The following HTR2C variants were observed in gnomAD, a reference collection of about 807,000 sequenced individuals.
HTR2C encodes the protein 5-hydroxytryptamine receptor 2C.
Under a neutral mutation model 21.0 loss-of-function variants are expected in HTR2C, and 5 were observed. The observed-to-expected ratio is 0.24, with a 90% confidence interval of 0.12 to 0.50. HTR2C has a LOEUF of 0.50. Among genes scored for constraint, HTR2C ranks in the 20% least tolerant of loss-of-function variants. HTR2C has a pLI of 0.98. For synonymous variants in HTR2C, 150 were observed against 145.3 expected (o/e 1.03, Z -0.23); for missense variants, 271 against 371.2 (o/e 0.73, Z 2.22).
intron 1 of HTR2C, among the ~76,000 whole-genome samples, chrX:114,590,669 C>T (rs1927590694): frequency 8.9e-6 from 1 of 111,796 alleles, no homozygotes; most frequent in Non-Finnish European, 1.9e-5. Context: ...TAACAGTTTC[C>T]CCTGAAATGA....
chrX:114,845,706 T>G (rs1211661175), intron 4 of HTR2C, among the ~76,000 whole-genome samples: 3 of 109,732 alleles, frequency 2.7e-5, no homozygotes, highest in Non-Finnish European at 5.7e-5. Flanking sequence ...TTACAGAAAT[T>G]AAAAGGATTG....
intron 2 of HTR2C, among the ~76,000 whole-genome samples, chrX:114,677,412 C>A (rs944478458): frequency 1.8e-5 from 2 of 110,754 alleles, no homozygotes; most frequent in Non-Finnish European, 3.8e-5. Flanking sequence ...AAAACTATGT[C>A]TCAATGAAAT....
intron 2 of HTR2C, among the ~76,000 whole-genome samples, chrX:114,684,180 A>AT (rs1418366179): frequency 8.9e-6 from 1 of 111,780 alleles, no homozygotes; most frequent in Non-Finnish European, 1.9e-5. Flanking sequence ...GTATTTTTAT[A>AT]TTTTTTCATC....
chrX:114,840,584 G>A (rs1381405051), intron 4 of HTR2C, among the ~76,000 whole-genome samples: 1 of 110,696 alleles, frequency 9.0e-6, no homozygotes, highest in Non-Finnish European at 1.9e-5. Flanking sequence ...AGAATGAGAG[G>A]GAAAATGGGA....
At chrX:114,778,140 A>G (rs1556439253) in intron 4 of HTR2C, among the ~76,000 whole-genome samples, 1 of 111,674 alleles carries the variant, frequency 9.0e-6, no homozygotes. Context: ...ATCTGTCAAT[A>G]AACATAAAAT....
chrX:114,723,690 C>A (rs782014592), intron 2 of HTR2C, among the ~76,000 whole-genome samples: 10 of 110,516 alleles, frequency 9.0e-5, no homozygotes, highest in Non-Finnish European at 1.5e-4. Context: ...GCTTTGAATG[C>A]GTCCCAGAGA....
chrX:114,845,302 A>T (rs2070865407), intron 4 of HTR2C, among the ~76,000 whole-genome samples: 1 of 111,430 alleles, frequency 9.0e-6, no homozygotes, highest in African/African-American at 3.2e-5. Context: ...AATGAAATTC[A>T]AAAATATTTT....
chrX:114,819,045 A>G (rs373669545), intron 4 of HTR2C, among the ~76,000 whole-genome samples: 3 of 111,853 alleles, frequency 2.7e-5, no homozygotes. Context: ...TCCTCACTAT[A>G]TTATAAAACC....
At chrX:114,632,682 G>A (rs1929679325) in intron 2 of HTR2C, among the ~76,000 whole-genome samples, 1 of 110,764 alleles carries the variant, frequency 9.0e-6, no homozygotes, top group Non-Finnish European at 1.9e-5. Flanking sequence ...AAAGGAATGT[G>A]AACATCAAGT....
intron 5 of HTR2C, among the ~76,000 whole-genome samples, chrX:114,887,550 A>G (rs1556481916): frequency 9.0e-6 from 1 of 111,151 alleles, no homozygotes; most frequent in African/African-American, 3.3e-5. Flanking sequence ...TTCATTTAGT[A>G]TTTTTTGGAA....
In HTR2C at chrX:114,781,896, T is replaced by C. The variant is rs146544743; in HGVS notation, c.349+50289T>C. Reference sequence around the variant, plus strand: ...AATAGGAACAGAGAAAGAGATTGGGTTAGAGGCAGTATTTGGAAACAATAT... The same window carrying C: ...AATAGGAACAGAGAAAGAGATTGGGCTAGAGGCAGTATTTGGAAACAATAT... On this transcript the variant is annotated intron_variant, in intron 4 of 5. Transcript: ENST00000276198. Among the ~76,000 whole-genome samples the C allele has an allele frequency of 2.5e-3, 271 of 108,402 alleles. 1 individual carries two copies. The highest frequency in any genetic ancestry group is 8.7e-3 in the African/African-American group (259 of 29,708). The allele number at this position is 108,402 out of a possible 115,157, so 94.1% of individuals were successfully genotyped here. A position where few individuals can be genotyped will look rare whatever the true frequency, so the allele number is the denominator to read the frequency against.
At chrX:114,781,610 C>T (rs1049048215) in intron 4 of HTR2C, among the ~76,000 whole-genome samples, 1 of 109,535 alleles carries the variant, frequency 9.1e-6, no homozygotes, top group Non-Finnish European at 1.9e-5. Context: ...AAGTAATCCT[C>T]CTGCCCCAGC....
chrX:114,801,110 T>C lies in HTR2C; in HGVS notation c.350-46893T>C, dbSNP rs182881346. On this transcript the variant is annotated intron_variant, in intron 4 of 5. Coordinates refer to ENST00000276198, the MANE Select transcript of HTR2C (RefSeq NM_000868.4). Reference sequence around the variant, plus strand: ...TAGCTACCAAGGCCTAATTCAGGATTTTTTTCCTCAAATGTTATTTCTGAT... The same window carrying C: ...TAGCTACCAAGGCCTAATTCAGGATCTTTTTCCTCAAATGTTATTTCTGAT... 2.2e-4 allele frequency among the ~76,000 whole-genome samples: 24 copies of C among 111,242 alleles called. No homozygotes were observed. The East Asian group carries it at 6.5e-3, about 30-fold the overall frequency.
In HTR2C at chrX:114,869,592, A is replaced by G. The variant is rs1046401082; in HGVS notation, c.550+21389A>G. Among the ~76,000 whole-genome samples the G allele has an allele frequency of 4.3e-4, 48 of 112,170 alleles. 1 individual carries two copies. The highest frequency in any genetic ancestry group is 6.9e-4 in the Non-Finnish European group (37 of 53,241). ...GTCTTTAGGTTTTTCCACGTATACT[A>G]TAATATCATCTGAAAACAAGCATAA... On this transcript the variant is annotated intron_variant, in intron 5 of 5. Coordinates refer to ENST00000276198, the MANE Select transcript of HTR2C (RefSeq NM_000868.4).
At chrX:114,851,376 A>G (rs1005383433) in intron 5 of HTR2C, among the ~76,000 whole-genome samples, 1 of 112,277 alleles carries the variant, frequency 8.9e-6, no homozygotes, top group African/African-American at 3.2e-5. Flanking sequence ...AATGACTTCA[A>G]AATAGTAGAA....
chrX:114,728,828 A>T (rs186126141), intron 3 of HTR2C, among the ~76,000 whole-genome samples: 23 of 111,369 alleles, frequency 2.1e-4, no homozygotes, highest in African/African-American at 6.2e-4. Flanking sequence ...TTTGTCCTGT[A>T]CCCCTCTACC....
chrX:114,781,438 G>T (rs1201845807), intron 4 of HTR2C, among the ~76,000 whole-genome samples: 1 of 111,037 alleles, frequency 9.0e-6, no homozygotes, highest in Non-Finnish European at 1.9e-5. Context: ...CAAGGTTACA[G>T]TGAGCTCTGA....
intron 4 of HTR2C, among the ~76,000 whole-genome samples, chrX:114,732,869 C>A (rs782452187): frequency 8.9e-6 from 1 of 111,916 alleles, no homozygotes; most frequent in Non-Finnish European, 1.9e-5. Flanking sequence ...CTTAACATAT[C>A]TATTCCCCTG....
At chrX:114,701,309 C>T (rs1326422732) in intron 2 of HTR2C, among the ~76,000 whole-genome samples, 1 of 111,683 alleles carries the variant, frequency 9.0e-6, no homozygotes. Context: ...GGGAGGCACC[C>T]CCAAGTAGGG....
Sources: allele counts gnomAD v4.1 joint callset (sites outside exome capture counted in the v4.1 genomes callset), GRCh38; gene constraint gnomAD v4.1.1; transcripts MANE v1.5; gene names NCBI Gene and HGNC (gene_info 2026-07-23, HGNC 2026-07-21).